The following SND1 variants were observed in gnomAD, a reference collection of about 807,000 sequenced individuals.
SND1 encodes the protein staphylococcal nuclease domain-containing protein 1.
A neutral mutation model predicts 121.7 loss-of-function variants in SND1; 38 were observed. The ratio of observed to expected loss-of-function variants is 0.31; its 90% confidence interval spans 0.24 to 0.41. The LOEUF is 0.41. SND1 is among the 10% of genes least tolerant of loss of function. SND1 has a pLI of 1.00. For synonymous variants in SND1, 401 were observed against 447.4 expected, an observed-to-expected ratio of 0.90 and a Z score of 1.31; for missense variants, 868 against 1,184.6, an observed-to-expected ratio of 0.73 and a Z score of 3.92.
At chr7:127,959,968 T>C (rs778398047) in intron 15 of SND1, among the ~76,000 whole-genome samples, 3 of 152,220 alleles carry the variant, frequency 2.0e-5, no homozygotes, top group African/African-American at 7.2e-5. Flanking sequence ...GAAGAGTTCA[T>C]TGATGTTCCC....
chr7:127,658,078 G>A (rs1422404179), intron 1 of SND1, among the ~76,000 whole-genome samples: 5 of 152,094 alleles, frequency 3.3e-5, no homozygotes, highest in Admixed American at 6.5e-5. Context: ...ATCCCAGGCC[G>A]AAGCAGGTGG....
chr7:127,854,593 C>T (rs1001337079), intron 12 of SND1, among the ~76,000 whole-genome samples: 13 of 148,774 alleles, frequency 8.7e-5, no homozygotes, highest in Admixed American at 1.4e-4. Flanking sequence ...TAGAATAGTG[C>T]CATGATGTGA....
intron 16 of SND1, among the ~76,000 whole-genome samples, chr7:128,043,358 G>T (rs1049882345): frequency 2.6e-5 from 4 of 152,070 alleles, no homozygotes; most frequent in Non-Finnish European, 4.4e-5. Context: ...CAGATCACTT[G>T]AGGTCAGGAG....
At chr7:127,796,475 A>G (rs1342063959) in intron 10 of SND1, among the ~76,000 whole-genome samples, 4 of 152,170 alleles carry the variant, frequency 2.6e-5, no homozygotes, top group Non-Finnish European at 4.4e-5. Context: ...GGCACTTTCT[A>G]GGTACCATAA....
chr7:127,733,369 C>A (rs942853991), intron 10 of SND1, among the ~76,000 whole-genome samples: 2 of 152,114 alleles, frequency 1.3e-5, no homozygotes, highest in African/African-American at 4.8e-5. Flanking sequence ...CTCTCCCATC[C>A]CCATGCTTTG....
Position 127,804,573 on chromosome 7 carries a change from C to T in SND1, c.1153-2911C>T, listed in dbSNP as rs1255044745. ...CCTTTTATTCCTAGTTTTGGAATTA[C>T]AGCCAACTGACATTCCTTTCTACCT... is the stretch of plus-strand genomic sequence containing the variant. On this transcript the variant is annotated intron_variant, in intron 10 of 23. Transcript: ENST00000354725. 3.3e-5 allele frequency among the ~76,000 whole-genome samples: 5 copies of T among 152,196 alleles called. No individual in the cohort carries two copies. The East Asian group carries it at 7.7e-4, about 24-fold the overall frequency.
intron 14 of SND1, among the ~76,000 whole-genome samples, chr7:127,917,823 A>C (rs1224334211): frequency 6.6e-6 from 1 of 152,244 alleles, no homozygotes; most frequent in South Asian, 2.1e-4. Flanking sequence ...TCACAGAGCA[A>C]ATTTCACATG....
intron 11 of SND1, among the ~76,000 whole-genome samples, chr7:127,842,057 A>G (rs1798974958): frequency 6.6e-6 from 1 of 152,154 alleles, no homozygotes; most frequent in Non-Finnish European, 1.5e-5. Context: ...TGGAATTTTG[A>G]GGCATCTATC....
At chr7:128,010,398 G>T (rs1394543487) in intron 16 of SND1, among the ~76,000 whole-genome samples, 1 of 152,150 alleles carries the variant, frequency 6.6e-6, no homozygotes, top group Non-Finnish European at 1.5e-5. Flanking sequence ...ATGACCTGTG[G>T]GTACTAAGAG....
At chr7:128,046,861 G>A (rs1380113495) in intron 16 of SND1, among the ~76,000 whole-genome samples, 1 of 152,100 alleles carries the variant, frequency 6.6e-6, no homozygotes, top group Non-Finnish European at 1.5e-5. Flanking sequence ...ATCACCAATA[G>A]AAATAAAGAA....
chr7:128,090,586 C>T (rs931085172), intron 22 of SND1, among the ~76,000 whole-genome samples: 5 of 152,192 alleles, frequency 3.3e-5, no homozygotes, highest in African/African-American at 1.2e-4. Context: ...TCCCTATGTT[C>T]CTTCAGAGAC....
intron 12 of SND1, among the ~76,000 whole-genome samples, chr7:127,846,233 G>C (rs1242292871): frequency 6.6e-6 from 1 of 152,150 alleles, no homozygotes; most frequent in Non-Finnish European, 1.5e-5. Flanking sequence ...CTTGTAATTG[G>C]ATTGTATGAA....
intron 15 of SND1, among the ~76,000 whole-genome samples, chr7:127,973,258 T>G (rs556515152): frequency 6.6e-6 from 1 of 152,326 alleles, no homozygotes; most frequent in Admixed American, 6.5e-5. Context: ...CTGTGAGTGT[T>G]TGCAGGTCCA....
At chr7:127,870,093 C>G (rs768160661) in intron 12 of SND1, among the ~76,000 whole-genome samples, 37 of 152,180 alleles carry the variant, frequency 2.4e-4, no homozygotes, top group Non-Finnish European at 4.6e-4. Context: ...TCACTAAATA[C>G]TACTTACTAT....
intron 10 of SND1, among the ~76,000 whole-genome samples, chr7:127,772,620 G>C (rs1350616386): frequency 6.6e-6 from 1 of 152,174 alleles, no homozygotes; most frequent in Admixed American, 6.5e-5. Context: ...CCACAATGCA[G>C]AATGTTAAAA....
At chr7:127,749,112 C>T (rs1797035533) in intron 10 of SND1, among the ~76,000 whole-genome samples, 1 of 141,268 alleles carries the variant, frequency 7.1e-6, no homozygotes. Flanking sequence ...TGGCTCACTG[C>T]AGCCTTGAAC....
rs571656043 is a variant in SND1 at position 128,044,016 on chromosome 7, TGA to T, written c.1780-30480_1780-30479del. ...AGTGCGGAGAGAAGGGTTGTGGGCCTGAGAGAGGCTGTGTCTGGGGACAGAAG... is the reference window on the plus strand; with the variant it reads ...AGTGCGGAGAGAAGGGTTGTGGGCCTGAGAGGCTGTGTCTGGGGACAGAAG... On this transcript the variant is annotated intron_variant, in intron 16 of 23. Coordinates refer to ENST00000354725, the MANE Select transcript of SND1 (RefSeq NM_014390.4). Among the ~76,000 whole-genome samples, 10 of 152,312 alleles carry T rather than the reference TGA, an allele frequency of 6.6e-5. No homozygotes were observed. The East Asian group carries it at 1.9e-3, about 29-fold the overall frequency.
At chr7:127,915,883 G>A (rs1332416236) in intron 14 of SND1, among the ~76,000 whole-genome samples, 2 of 152,206 alleles carry the variant, frequency 1.3e-5, no homozygotes, top group African/African-American at 4.8e-5. Flanking sequence ...ATAGTAATGG[G>A]AGAATGAATA....
chr7:127,825,204 G>A (rs569053934), intron 11 of SND1, among the ~76,000 whole-genome samples: 2 of 152,136 alleles, frequency 1.3e-5, no homozygotes, highest in South Asian at 4.2e-4. Context: ...TCCGCCTCCC[G>A]GGTTCAAGTG....
Sources: allele counts gnomAD v4.1 joint callset (sites outside exome capture counted in the v4.1 genomes callset), GRCh38; gene constraint gnomAD v4.1.1; transcripts MANE v1.5; gene names NCBI Gene and HGNC (gene_info 2026-07-23, HGNC 2026-07-21).